MACROD2: variants seen among roughly 807,000 people sequenced by gnomAD.
MACROD2 encodes mono-ADP ribosylhydrolase 2, also known as ADP-ribose glycohydrolase MACROD2.
MACROD2 carries 36 observed loss-of-function variants against 70.4 expected under a neutral mutation model. That is an observed-to-expected ratio of 0.51 (90% CI 0.39 to 0.68). The LOEUF (loss-of-function observed/expected upper bound fraction) is 0.68. Among genes scored for constraint, MACROD2 ranks in the 30% least tolerant of loss-of-function variants. The pLI, the probability that MACROD2 is intolerant of heterozygous loss-of-function variation, is 0.00. For missense variants in MACROD2, 496 were observed against 538.4 expected (o/e 0.92, Z 0.78); for synonymous variants, 172 against 178.8 (o/e 0.96, Z 0.30).
At chr20:14,661,908 C>T (rs895844709) in intron 4 of MACROD2, among the ~76,000 whole-genome samples, 21 of 151,808 alleles carry the variant, frequency 1.4e-4, no homozygotes, top group African/African-American at 4.8e-4. Flanking sequence ...TGGGAGGGTA[C>T]CAAATCTGGC....
At chr20:15,768,138 CTG>C (rs557053436) in intron 8 of MACROD2, among the ~76,000 whole-genome samples, 3,201 of 148,064 alleles carry the variant, frequency 0.022, 88 homozygotes, top group African/African-American at 0.067. Context: ...GTGTATGTGT[CTG>C]TGTGTGTGTG....
At chr20:16,028,672 A>C (rs2067113109) in intron 15 of MACROD2, among the ~76,000 whole-genome samples, 1 of 152,144 alleles carries the variant, frequency 6.6e-6, no homozygotes, top group African/African-American at 2.4e-5. Flanking sequence ...CTTTTGTAAA[A>C]ACAGGCACAG....
chr20:15,935,525 A>G (rs7265153), intron 11 of MACROD2, among the ~76,000 whole-genome samples: 5,906 of 152,274 alleles, frequency 0.039, 223 homozygotes, highest in African/African-American at 0.097. Context: ...TTTTCATTCA[A>G]TATAATTTCC....
At chr20:14,581,345 A>G (rs923668317) in intron 4 of MACROD2, among the ~76,000 whole-genome samples, 3 of 152,204 alleles carry the variant, frequency 2.0e-5, no homozygotes, top group South Asian at 2.1e-4. Context: ...GAACTTGAGC[A>G]TCTATATTTT....
At chr20:14,625,263 G>T (rs1038985874) in intron 4 of MACROD2, among the ~76,000 whole-genome samples, 8 of 152,056 alleles carry the variant, frequency 5.3e-5, no homozygotes, top group African/African-American at 1.9e-4. Flanking sequence ...GGAGGTAGAG[G>T]TTGCAGTGAG....
intron 3 of MACROD2, among the ~76,000 whole-genome samples, chr20:14,219,319 A>G (rs1390292200): frequency 2.6e-5 from 4 of 151,716 alleles, no homozygotes; most frequent in African/African-American, 4.8e-5. Context: ...TACTTGTTCA[A>G]TTATATTGCT....
intron 3 of MACROD2, among the ~76,000 whole-genome samples, chr20:14,237,577 A>T (rs531018827): frequency 6.6e-6 from 1 of 151,626 alleles, no homozygotes; most frequent in South Asian, 2.1e-4. Flanking sequence ...GTTTTAGGGT[A>T]CATGTGCACA....
chr20:14,601,338 G>C (rs747313385), intron 4 of MACROD2, among the ~76,000 whole-genome samples: 1 of 152,128 alleles, frequency 6.6e-6, no homozygotes, highest in Non-Finnish European at 1.5e-5. Flanking sequence ...TCACAATAGG[G>C]TTAGTGCTCC....
chr20:14,567,440 G>A (rs1040429117), intron 4 of MACROD2, among the ~76,000 whole-genome samples: 8 of 152,024 alleles, frequency 5.3e-5, no homozygotes, highest in Non-Finnish European at 1.0e-4. Context: ...GTGTGCATGC[G>A]TGTGCCCTGC....
intron 3 of MACROD2, among the ~76,000 whole-genome samples, chr20:14,304,828 C>T (rs1448825159): frequency 6.6e-6 from 1 of 151,592 alleles, no homozygotes; most frequent in Non-Finnish European, 1.5e-5. Flanking sequence ...TAGTCAGCAC[C>T]ATGATTTAAA....
chr20:15,312,561 T>C (rs1038985694), intron 6 of MACROD2, among the ~76,000 whole-genome samples: 1 of 152,202 alleles, frequency 6.6e-6, no homozygotes, highest in African/African-American at 2.4e-5. Context: ...TAGAATTGTT[T>C]AAAGAAATAT....
chr20:14,342,042 T>TGG (rs113531899), intron 3 of MACROD2, among the ~76,000 whole-genome samples: 4 of 152,172 alleles, frequency 2.6e-5, no homozygotes, highest in African/African-American at 7.2e-5. Context: ...CACGGAGCCC[T>TGG]GGGGGGGTCA....
chr20:15,819,503 A>C (rs1035647041), intron 8 of MACROD2, among the ~76,000 whole-genome samples: 1 of 146,712 alleles, frequency 6.8e-6, no homozygotes, highest in Non-Finnish European at 1.5e-5. Flanking sequence ...ATAAATATAT[A>C]TCTATATCGA....
intron 8 of MACROD2, among the ~76,000 whole-genome samples, chr20:15,841,884 G>T (rs1437781420): frequency 6.6e-6 from 1 of 152,168 alleles, no homozygotes; most frequent in Admixed American, 6.6e-5. Flanking sequence ...AATTAAACAA[G>T]AGGGTTCAGT....
chr20:15,291,742 C>G (rs1270941692), intron 6 of MACROD2, among the ~76,000 whole-genome samples: 2 of 152,116 alleles, frequency 1.3e-5, no homozygotes, highest in African/African-American at 4.8e-5. Context: ...GAGGACACAG[C>G]TGCACCTGAT....
intron 8 of MACROD2, among the ~76,000 whole-genome samples, chr20:15,537,495 A>C (rs1352829309): frequency 9.8e-6 from 1 of 102,526 alleles, no homozygotes; most frequent in Non-Finnish European, 1.9e-5. Flanking sequence ...TTTTTTTGAG[A>C]GGGAGTGTCA....
In MACROD2 at chr20:14,996,982, A is replaced by G. The variant is rs1036591881; in HGVS notation, c.419-232958A>G. Reference sequence around the variant, plus strand: ...GGCAATCTAGGCTACAAGGACTACAATTCCTGGGCAAGCCCTGGTGCTGTG... The same window carrying G: ...GGCAATCTAGGCTACAAGGACTACAGTTCCTGGGCAAGCCCTGGTGCTGTG... On this transcript the variant is annotated intron_variant, in intron 5 of 17. Coordinates refer to ENST00000684519, the MANE Select transcript of MACROD2 (RefSeq NM_001351661.2). 3.3e-5 allele frequency among the ~76,000 whole-genome samples: 5 copies of G among 152,204 alleles called. No homozygotes were observed. The East Asian group carries it at 9.6e-4, about 29-fold the overall frequency.
At chr20:14,007,907 TAAA>T (rs1026669252) in intron 2 of MACROD2, among the ~76,000 whole-genome samples, 5 of 151,996 alleles carry the variant, frequency 3.3e-5, no homozygotes, top group African/African-American at 1.2e-4. Flanking sequence ...AGGGGAAAAA[TAAA>T]ATAATAATGA....
intron 4 of MACROD2, among the ~76,000 whole-genome samples, chr20:14,510,916 A>G (rs1046368629): frequency 2.0e-5 from 3 of 152,108 alleles, no homozygotes; most frequent in Admixed American, 2.0e-4. Context: ...TAAGTACTGG[A>G]AAAAGGTGGA....
Sources: allele counts gnomAD v4.1 joint callset (sites outside exome capture counted in the v4.1 genomes callset), GRCh38; gene constraint gnomAD v4.1.1; transcripts MANE v1.5; gene names NCBI Gene and HGNC (gene_info 2026-07-23, HGNC 2026-07-21).